Variants in NUP62CL observed in about 807,000 individuals in gnomAD.
NUP62CL encodes the protein nucleoporin 62 C-terminal like.
In NUP62CL, 13 loss-of-function variants were observed where a neutral mutation model predicts 15.3. The ratio of observed to expected loss-of-function variants is 0.85; its 90% CI spans 0.55 to 1.35. NUP62CL has a LOEUF of 1.35. Among genes scored for constraint, NUP62CL ranks in the 40% most tolerant of loss-of-function variants. The pLI, the probability that NUP62CL is intolerant of heterozygous loss-of-function variation, is 0.00. For synonymous variants in NUP62CL, 54 were observed against 49.2 expected, an observed-to-expected ratio of 1.10 and a Z score of -0.41; for missense variants, 123 against 130.6, an observed-to-expected ratio of 0.94 and a Z score of 0.28.
At chrX:107,189,127 C>T (rs1003020519) in intron 2 of NUP62CL, among the ~76,000 whole-genome samples, 13 of 111,359 alleles carry the variant, frequency 1.2e-4, no homozygotes, top group African/African-American at 4.2e-4. Flanking sequence ...TCACTATCTA[C>T]AAAAATGGCT....
chrX:107,197,170 A>G (rs1927376809), intron 1 of NUP62CL, among the ~76,000 whole-genome samples: 1 of 111,861 alleles, frequency 8.9e-6, no homozygotes, highest in Admixed American at 9.5e-5. Flanking sequence ...ATTTGGATTG[A>G]TGAGATTTTC....
chrX:107,177,188 A>G (rs1286403727), intron 2 of NUP62CL, among the ~76,000 whole-genome samples: 1 of 112,213 alleles, frequency 8.9e-6, no homozygotes, highest in Non-Finnish European at 1.9e-5. Context: ...ACAAAATGAA[A>G]GAAATTAAGA....
rs146049072 is a variant in NUP62CL at position 107,176,939 on chromosome X, G to A, written c.-47-1746C>T. Among the ~76,000 whole-genome samples, 130 of 111,100 alleles carry A rather than the reference G, an allele frequency of 1.2e-3. 1 individual carries two copies. The highest frequency in any genetic ancestry group is 3.9e-3 in the African/African-American group (121 of 30,646). The stretch of plus-strand genomic sequence containing the variant: ...CAAGGATGTCTGCTCTAGCCACTTC[G>A]ATTCAACAATACATTGAAAATTCTA... On this transcript the variant is annotated intron_variant, in intron 2 of 8. Transcript: ENST00000372466.
chrX:107,155,803 C>T (rs964955586), intron 4 of NUP62CL, among the ~76,000 whole-genome samples: 1 of 112,749 alleles, frequency 8.9e-6, no homozygotes, highest in Non-Finnish European at 1.9e-5. Flanking sequence ...GGAACAGCTC[C>T]GGTCTACAGC....
At chrX:107,152,880 A>G (rs747075058) in intron 7 of NUP62CL, among the ~76,000 whole-genome samples, 1 of 112,356 alleles carries the variant, frequency 8.9e-6, no homozygotes, top group Non-Finnish European at 1.9e-5. Context: ...ATTTAAGAAC[A>G]AATTTGACAA....
intron 8 of NUP62CL, among the ~76,000 whole-genome samples, chrX:107,141,667 C>T (rs1251651318): frequency 1.8e-5 from 2 of 111,885 alleles, no homozygotes; most frequent in Non-Finnish European, 3.8e-5. Flanking sequence ...GAAGACGAAA[C>T]AGGAAGAAGG....
chrX:107,150,705 C>T, intron 7 of NUP62CL: 1 of 254,800 alleles, frequency 3.9e-6, no homozygotes, highest in South Asian at 4.2e-5. Flanking sequence ...CACTATGTTG[C>T]CCAGGCTGGT....
chrX:107,184,509 G>A (rs758639765), intron 2 of NUP62CL, among the ~76,000 whole-genome samples: 6 of 111,059 alleles, frequency 5.4e-5, no homozygotes, highest in Admixed American at 9.5e-5. Flanking sequence ...CAGTGAACTG[G>A]ATGATAGAAT....
At chrX:107,136,031 CAG>C (rs1925632899) in intron 8 of NUP62CL, among the ~76,000 whole-genome samples, 1 of 109,249 alleles carries the variant, frequency 9.2e-6, no homozygotes, top group South Asian at 4.0e-4. Flanking sequence ...CTTAAGAAAA[CAG>C]AAAAAGAGCA....
intron 7 of NUP62CL, among the ~76,000 whole-genome samples, chrX:107,150,231 AAAG>A (rs1289803888): frequency 8.9e-6 from 1 of 112,337 alleles, no homozygotes; most frequent in Admixed American, 9.4e-5. Context: ...AAATATGTAA[AAAG>A]AAGAATGAAC....
chrX:107,157,462 G>C (rs1416402507), intron 4 of NUP62CL, among the ~76,000 whole-genome samples: 25 of 105,901 alleles, frequency 2.4e-4, no homozygotes, highest in African/African-American at 7.9e-4. Flanking sequence ...GAAGAGAGTG[G>C]GGGCCAATAT....
chrX:107,191,658 A>T (rs1927244114), intron 2 of NUP62CL, among the ~76,000 whole-genome samples: 1 of 110,907 alleles, frequency 9.0e-6, no homozygotes. Context: ...CAGTGAGCCA[A>T]GATCACGCCA....
intron 8 of NUP62CL, among the ~76,000 whole-genome samples, chrX:107,137,780 A>G (rs193199965): frequency 1.3e-4 from 15 of 112,270 alleles, no homozygotes; most frequent in African/African-American, 4.5e-4. Flanking sequence ...GACTCAACAC[A>G]GTAAAGATGT....
At chrX:107,153,697 G>C (rs1926103536) in intron 5 of NUP62CL, among the ~76,000 whole-genome samples, 194 bp from the exon 6 acceptor site, 1 of 112,387 alleles carries the variant, frequency 8.9e-6, no homozygotes, top group Non-Finnish European at 1.9e-5. Flanking sequence ...GCTGGGTATG[G>C]TGGCTCATGC....
intron 7 of NUP62CL, among the ~76,000 whole-genome samples, chrX:107,152,121 T>G (rs1168190206): frequency 8.9e-5 from 4 of 44,974 alleles, no homozygotes; most frequent in African/African-American, 4.0e-4. Flanking sequence ...TATTCAGATA[T>G]ATATATATAT....
Position 107,123,712 on chromosome X carries a change from T to C in NUP62CL, c.*663A>G, listed in dbSNP as rs1925316687. ...CAAATTCCTTGAAACTTACCTTTCCTTAACCCTTTAATAATAATCTACCCT... is the reference window on the plus strand; with the variant it reads ...CAAATTCCTTGAAACTTACCTTTCCCTAACCCTTTAATAATAATCTACCCT... On this transcript the variant is annotated 3_prime_UTR_variant, in exon 9 of 9. Coordinates refer to ENST00000372466, the MANE Select transcript of NUP62CL (RefSeq NM_017681.3). 1 of 112,047 alleles carries C rather than the reference T, an allele frequency of 8.9e-6. No homozygotes were observed. Among genetic ancestry groups the C allele is most frequent in the Admixed American group, 9.5e-5 (1 of 10,529 alleles). 9.2% of individuals were successfully genotyped at this position (112,047 alleles called of 1,213,427 possible).
Position 107,164,816 on chromosome X carries a change from T to G in NUP62CL, c.194+2833A>C, listed in dbSNP as rs552618189. On this transcript the variant is annotated intron_variant, in intron 4 of 8. Transcript: ENST00000372466. ...AAAGCCCCTTTAGCCTAAAAGCCCC[T>G]TTAGCTGGGCGCAGTGGCTCACGCC... is the stretch of plus-strand genomic sequence containing the variant. 1.6e-4 allele frequency among the ~76,000 whole-genome samples: 18 copies of G among 113,230 alleles called. No homozygotes were observed. In the South Asian group the frequency reaches 3.9e-3, roughly 25 times the overall value.
chrX:107,138,488 G>C (rs770118569), intron 8 of NUP62CL, among the ~76,000 whole-genome samples: 1 of 111,885 alleles, frequency 8.9e-6, no homozygotes, highest in Admixed American at 9.5e-5. Context: ...AATTTGATTA[G>C]AAAATGGACA....
intron 2 of NUP62CL, among the ~76,000 whole-genome samples, chrX:107,189,821 AGAAGGAGGGAAG>A (rs1268700303): frequency 2.0e-4 from 11 of 54,287 alleles, no homozygotes; most frequent in African/African-American, 7.7e-4. Flanking sequence ...AAAGAAAGAA[AGAAGGAGGGAAG>A]GAAGGAAGGA....
Sources: gnomAD v4.1 joint callset for allele counts (sites outside exome capture counted in the v4.1 genomes callset) on GRCh38, gnomAD v4.1.1 for gene constraint, MANE v1.5 for transcripts, NCBI Gene and HGNC (gene_info 2026-07-23, HGNC 2026-07-21) for gene names.